The following EYS variants were observed in gnomAD, a reference collection of about 807,000 sequenced individuals.
EYS encodes the protein EGF-like photoreceptor maintenance factor, also known as protein eyes shut homolog.
EYS carries 250 observed loss-of-function variants against 282.1 expected under a neutral mutation model. The observed-to-expected ratio is 0.89, with a 90% CI of 0.80 to 0.98. The LOEUF is 0.98. EYS is among the 50% of genes least tolerant of loss of function. The probability of loss-of-function intolerance (pLI) is 0.00; values close to 1 mark genes in which losing one functional copy is unlikely to be tolerated. For synonymous variants in EYS, 1,355 were observed against 1,282.9 expected (o/e 1.06, Z -1.20); for missense variants, 4,016 against 3,709.0 (o/e 1.08, Z -2.15).
chr6:65,090,234 A>G (rs754990432), intron 12 of EYS, among the ~76,000 whole-genome samples: 42 of 152,032 alleles, frequency 2.8e-4, no homozygotes, highest in Non-Finnish European at 5.0e-4. Context: ...ACCCCTTGCA[A>G]TTGTCATGAT....
intron 8 of EYS, among the ~76,000 whole-genome samples, chr6:65,359,235 C>A (rs983287247): frequency 3.9e-5 from 6 of 152,000 alleles, no homozygotes; most frequent in Non-Finnish European, 8.8e-5. Flanking sequence ...TATCTCATGT[C>A]ACATCAGAAA....
chr6:64,500,519 C>A (rs1178902986), intron 26 of EYS, among the ~76,000 whole-genome samples: 1 of 151,796 alleles, frequency 6.6e-6, no homozygotes, highest in Admixed American at 6.6e-5. Context: ...ATGTGCATTT[C>A]TGAGAAAAAA....
intron 12 of EYS, among the ~76,000 whole-genome samples, chr6:65,072,611 T>C (rs1773932730): frequency 1.3e-5 from 2 of 151,868 alleles, no homozygotes; most frequent in African/African-American, 4.8e-5. Flanking sequence ...CAATCTGCAA[T>C]GTATTACTAT....
chr6:64,220,595 A>G (rs1250666167), intron 31 of EYS, among the ~76,000 whole-genome samples: 1 of 152,136 alleles, frequency 6.6e-6, no homozygotes, highest in Non-Finnish European at 1.5e-5. Flanking sequence ...GGACTCTACA[A>G]TGTTCATTCA....
At chr6:64,644,837 C>A (rs1417442269) in intron 22 of EYS, among the ~76,000 whole-genome samples, 1 of 152,118 alleles carries the variant, frequency 6.6e-6, no homozygotes, top group Non-Finnish European at 1.5e-5. Context: ...CAATCATTTA[C>A]CTGTGCCAGG....
At chr6:64,232,650 C>T (rs911735024) in intron 30 of EYS, among the ~76,000 whole-genome samples, 7 of 152,116 alleles carry the variant, frequency 4.6e-5, no homozygotes, top group African/African-American at 9.7e-5. Context: ...CTCGGCCCCC[C>T]CAGAGCATTG....
At chr6:64,303,702 A>T (rs1769319517) in intron 30 of EYS, among the ~76,000 whole-genome samples, 1 of 151,518 alleles carries the variant, frequency 6.6e-6, no homozygotes, top group Non-Finnish European at 1.5e-5. Flanking sequence ...TTAGCCGGGC[A>T]TGGTGGCGCG....
chr6:64,887,111 T>C (rs960719406), intron 18 of EYS, among the ~76,000 whole-genome samples: 1 of 151,652 alleles, frequency 6.6e-6, no homozygotes, highest in Non-Finnish European at 1.5e-5. Flanking sequence ...AAAATATAGA[T>C]GAGGTCATGT....
intron 13 of EYS, among the ~76,000 whole-genome samples, chr6:65,004,110 A>C (rs1771558073): frequency 1.4e-5 from 2 of 147,486 alleles, no homozygotes; most frequent in Admixed American, 6.8e-5. Context: ...AAATAGGCTA[A>C]ACTAATGTTA....
intron 22 of EYS, among the ~76,000 whole-genome samples, chr6:64,779,298 T>A (rs1773784596): frequency 6.6e-6 from 1 of 152,114 alleles, no homozygotes; most frequent in African/African-American, 2.4e-5. Flanking sequence ...TACAATAGAA[T>A]ATGTTTCAGG....
At chr6:65,329,897 T>C (rs1271670351) in intron 11 of EYS, 41 of 980,088 alleles carry the variant, frequency 4.2e-5, no homozygotes, top group East Asian at 1.1e-4. Flanking sequence ...GACTTTTAGA[T>C]TCTACACTTT....
At chr6:65,547,419 T>C (rs544488737) in intron 2 of EYS, among the ~76,000 whole-genome samples, 1 of 151,920 alleles carries the variant, frequency 6.6e-6, no homozygotes, top group Non-Finnish European at 1.5e-5. Flanking sequence ...ACAAAATAAA[T>C]TTTAATAATA....
chr6:64,241,136 T>A (rs551091629), intron 30 of EYS, among the ~76,000 whole-genome samples: 1 of 152,300 alleles, frequency 6.6e-6, no homozygotes, highest in South Asian at 2.1e-4. Flanking sequence ...TGCTGCTGGA[T>A]TAGGTTTGCC....
rs7773131 is a variant in EYS, at chr6:65,282,279, A to G, written c.2023+13584T>C. Among the ~76,000 whole-genome samples, 1,272 of 152,152 alleles carry G rather than the reference A, an allele frequency of 8.4e-3. 13 individuals carry two copies. Among genetic ancestry groups the G allele is most frequent in the African/African-American group, 0.029 (1,216 of 41,566 alleles). ...AATATTTAAGGTGATGGATCTGTTA[A>G]CTAGTTTGATTTAATTACTCCACAT... On this transcript the variant is annotated intron_variant, in intron 12 of 42. Coordinates refer to ENST00000503581, the MANE Select transcript of EYS (RefSeq NM_001142800.2).
intron 26 of EYS, among the ~76,000 whole-genome samples, chr6:64,452,433 C>T (rs966520735): frequency 1.3e-5 from 2 of 152,072 alleles, no homozygotes; most frequent in African/African-American, 4.8e-5. Flanking sequence ...GCTATACTGC[C>T]CCAGGTAATT....
At chr6:64,951,515 G>A (rs563805129) in intron 14 of EYS, among the ~76,000 whole-genome samples, 2 of 152,040 alleles carry the variant, frequency 1.3e-5, no homozygotes, top group Admixed American at 6.6e-5. Flanking sequence ...ATTACCAAAT[G>A]TCAAGAGACA....
intron 26 of EYS, among the ~76,000 whole-genome samples, chr6:64,512,574 G>A (rs972277880): frequency 1.3e-5 from 2 of 151,736 alleles, no homozygotes; most frequent in Non-Finnish European, 2.9e-5. Flanking sequence ...TCAGCCTTGG[G>A]AAAGAGAGTT....
At chr6:64,286,808 C>A (rs1429052828) in intron 30 of EYS, among the ~76,000 whole-genome samples, 1 of 152,120 alleles carries the variant, frequency 6.6e-6, no homozygotes, top group Non-Finnish European at 1.5e-5. Flanking sequence ...TTAATATTTT[C>A]ATACTTATAT....
At chr6:64,586,857 C>T (rs1032108318) in intron 26 of EYS, among the ~76,000 whole-genome samples, 37 of 152,022 alleles carry the variant, frequency 2.4e-4, no homozygotes, top group Non-Finnish European at 1.6e-4. Context: ...GTTCATGAAG[C>T]TCTGATTGCT....
Sources: gnomAD v4.1 joint callset for allele counts (sites outside exome capture counted in the v4.1 genomes callset) on GRCh38, gnomAD v4.1.1 for gene constraint, MANE v1.5 for transcripts, NCBI Gene and HGNC (gene_info 2026-07-23, HGNC 2026-07-21) for gene names.